The following ATF6 variants were observed in gnomAD, a reference collection of about 807,000 sequenced individuals.
ATF6 encodes activating transcription factor 6.
A neutral mutation model predicts 83.6 loss-of-function variants in ATF6; 53 were observed. The observed-to-expected ratio is 0.63, with a 90% CI of 0.51 to 0.80. ATF6 has a LOEUF of 0.80. Among genes scored for constraint, ATF6 ranks in the 30% least tolerant of loss-of-function variants. The pLI, the probability that ATF6 is intolerant of heterozygous loss-of-function variation, is 0.00. For synonymous variants in ATF6, 288 were observed against 285.8 expected (o/e 1.01, Z -0.08); for missense variants, 744 against 797.9 (o/e 0.93, Z 0.81).
intron 6 of ATF6, among the ~76,000 whole-genome samples, chr1:161,801,829 T>G (rs1301072812): frequency 6.6e-6 from 1 of 152,188 alleles, no homozygotes; most frequent in Non-Finnish European, 1.5e-5. Flanking sequence ...TAAAGTATAT[T>G]GTTAATGATA....
chr1:161,957,149 G>T (rs561470750), intron 15 of ATF6, among the ~76,000 whole-genome samples: 363 of 149,154 alleles, frequency 2.4e-3, no homozygotes, highest in African/African-American at 8.5e-3. Context: ...GATTTGTAAT[G>T]CTTGGCATGC....
chr1:161,916,421 G>T (rs936132582), intron 15 of ATF6, among the ~76,000 whole-genome samples: 6 of 152,024 alleles, frequency 3.9e-5, no homozygotes, highest in Non-Finnish European at 5.9e-5. Context: ...AAACCTATTT[G>T]AGAGTGAATT....
chr1:161,842,501 G>GGT (rs1324255707), intron 9 of ATF6, among the ~76,000 whole-genome samples: 1 of 146,616 alleles, frequency 6.8e-6, no homozygotes. Context: ...AAGAAACTGT[G>GGT]GTATATATAT....
At chr1:161,827,239 G>C (rs1159644524) in intron 9 of ATF6, among the ~76,000 whole-genome samples, 1 of 152,024 alleles carries the variant, frequency 6.6e-6, no homozygotes, top group Non-Finnish European at 1.5e-5. Flanking sequence ...CCTGTTTTCA[G>C]TCTTTTTACT....
chr1:161,780,486 G>C (rs1259030091), intron 2 of ATF6, among the ~76,000 whole-genome samples: 1 of 151,382 alleles, frequency 6.6e-6, no homozygotes, highest in African/African-American at 2.4e-5. Flanking sequence ...CCATTCTCCT[G>C]CCTCAGCCTC....
chr1:161,801,156 C>T (rs1685134071), intron 6 of ATF6, among the ~76,000 whole-genome samples: 1 of 151,976 alleles, frequency 6.6e-6, no homozygotes, highest in South Asian at 2.1e-4. Context: ...GATGTTCAAC[C>T]TCTAATAATT....
chr1:161,774,796 T>A (rs568421676), intron 1 of ATF6, among the ~76,000 whole-genome samples: 1 of 152,234 alleles, frequency 6.6e-6, no homozygotes, highest in South Asian at 2.1e-4. Context: ...AATGATTTGC[T>A]TTTCTAGTCT....
intron 15 of ATF6, among the ~76,000 whole-genome samples, chr1:161,913,593 G>A (rs368571653): frequency 1.2e-4 from 19 of 152,252 alleles, no homozygotes; most frequent in African/African-American, 4.6e-4. Context: ...TTCAGAATAA[G>A]TTTAAGAAAA....
chr1:161,854,644 G>C (rs1477160789), intron 12 of ATF6, among the ~76,000 whole-genome samples: 1 of 152,172 alleles, frequency 6.6e-6, no homozygotes, highest in Non-Finnish European at 1.5e-5. Flanking sequence ...AGCTGAGGCT[G>C]GTGGATCACG....
At chr1:161,921,749 C>T (rs1181004334) in intron 15 of ATF6, among the ~76,000 whole-genome samples, 4 of 152,156 alleles carry the variant, frequency 2.6e-5, no homozygotes, top group East Asian at 1.9e-4. Flanking sequence ...TCTCTTGTAA[C>T]GGAATACCAA....
At chr1:161,836,894 T>C (rs544036452) in intron 9 of ATF6, among the ~76,000 whole-genome samples, 1 of 152,204 alleles carries the variant, frequency 6.6e-6, no homozygotes, top group Non-Finnish European at 1.5e-5. Context: ...TCTCTTCTGC[T>C]TTCTACCTAG....
At chr1:161,914,124 T>TA (rs1329937001) in intron 15 of ATF6, among the ~76,000 whole-genome samples, 1 of 152,208 alleles carries the variant, frequency 6.6e-6, no homozygotes, top group African/African-American at 2.4e-5. Flanking sequence ...TAAGTCCTAT[T>TA]AAAAAATCAA....
intron 14 of ATF6, among the ~76,000 whole-genome samples, chr1:161,866,853 T>A (rs1311953898): frequency 6.6e-6 from 1 of 152,172 alleles, no homozygotes; most frequent in African/African-American, 2.4e-5. Flanking sequence ...GCTCAAACAG[T>A]TCTCCTGTGT....
chr1:161,902,910 G>A lies in ATF6; in HGVS notation c.1720-9386G>A, dbSNP rs367628448. ...CTAGGAAAGACCTCACTGAGAAATT[G>A]ACATTTGAATGAAGATCTGAAGTGG... On this transcript the variant is annotated intron_variant, in intron 14 of 15. Transcript: ENST00000367942. Among the ~76,000 whole-genome samples, 68 of 152,314 alleles carry A rather than the reference G, an allele frequency of 4.5e-4. 1 individual carries two copies. In the South Asian group the frequency reaches 4.6e-3, roughly 10 times the overall value.
chr1:161,870,352 A>C (rs1687097329), intron 14 of ATF6, among the ~76,000 whole-genome samples: 1 of 151,818 alleles, frequency 6.6e-6, no homozygotes, highest in Non-Finnish European at 1.5e-5. Context: ...GAATAGAATA[A>C]ATAGGCCTTG....
intron 15 of ATF6, among the ~76,000 whole-genome samples, chr1:161,920,601 G>GT: frequency 6.6e-6 from 1 of 152,026 alleles, no homozygotes; most frequent in South Asian, 2.1e-4. Flanking sequence ...GCCATCAGTT[G>GT]TTTTTTGTTT....
At chr1:161,786,278 G>A (rs12037837) in intron 4 of ATF6, among the ~76,000 whole-genome samples, 18,099 of 152,048 alleles carry the variant, frequency 0.12, 1,624 homozygotes, top group East Asian at 0.31. Context: ...GAGACACTGC[G>A]CCCGGCCGTT....
chr1:161,775,948 C>T (rs1316644302), intron 1 of ATF6, among the ~76,000 whole-genome samples: 2 of 151,796 alleles, frequency 1.3e-5, no homozygotes, highest in Admixed American at 1.3e-4. Context: ...ATAATACAAA[C>T]ATCTGCATAT....
chr1:161,838,254 A>G (rs537030974), intron 9 of ATF6, among the ~76,000 whole-genome samples: 2 of 152,352 alleles, frequency 1.3e-5, no homozygotes, highest in Admixed American at 1.3e-4. Flanking sequence ...AGAAATATAC[A>G]AAGAGTTGTT....
Sources: allele counts gnomAD v4.1 joint callset (sites outside exome capture counted in the v4.1 genomes callset), GRCh38; gene constraint gnomAD v4.1.1; transcripts MANE v1.5; gene names NCBI Gene and HGNC (gene_info 2026-07-23, HGNC 2026-07-21).